The following GRID2 variants were observed in gnomAD, a reference collection of about 807,000 sequenced individuals.
GRID2 encodes glutamate ionotropic receptor delta type subunit 2.
A neutral mutation model predicts 114.8 loss-of-function variants in GRID2; 33 were observed. The ratio of observed to expected loss-of-function variants is 0.29; its 90% confidence interval spans 0.22 to 0.38. GRID2 has a LOEUF of 0.38. Among genes scored for constraint, GRID2 ranks in the 10% least tolerant of loss-of-function variants. GRID2 has a pLI of 1.00. For missense variants in GRID2, 1,184 were observed against 1,257.7 expected (o/e 0.94, Z 0.89); for synonymous variants, 505 against 449.9 (o/e 1.12, Z -1.55).
intron 2 of GRID2, among the ~76,000 whole-genome samples, chr4:92,768,887 A>T (rs1344765251): frequency 6.6e-6 from 1 of 152,176 alleles, no homozygotes; most frequent in Non-Finnish European, 1.5e-5. Context: ...ATTCAAGATG[A>T]GATTTGCGTG....
chr4:93,727,504 A>G (rs955060980), intron 14 of GRID2, among the ~76,000 whole-genome samples: 130 of 152,210 alleles, frequency 8.5e-4, no homozygotes, highest in African/African-American at 3.0e-3. Context: ...GCCTCATAAA[A>G]TGAGTTACGG....
chr4:92,918,410 G>T (rs1391987999), intron 2 of GRID2, among the ~76,000 whole-genome samples: 1 of 152,142 alleles, frequency 6.6e-6, no homozygotes, highest in African/African-American at 2.4e-5. Context: ...TGGTGAGAGA[G>T]GGCATCCCTG....
At chr4:93,762,684 G>A (rs1401931556) in intron 14 of GRID2, among the ~76,000 whole-genome samples, 1 of 152,096 alleles carries the variant, frequency 6.6e-6, no homozygotes, top group Non-Finnish European at 1.5e-5. Flanking sequence ...GGTCTCTGGG[G>A]GAGTTCCCAG....
At chr4:93,557,258 A>C (rs1324485516) in intron 13 of GRID2, among the ~76,000 whole-genome samples, 1 of 152,230 alleles carries the variant, frequency 6.6e-6, no homozygotes, top group Non-Finnish European at 1.5e-5. Flanking sequence ...CCTTAAATGT[A>C]AATGGGCTAA....
intron 14 of GRID2, among the ~76,000 whole-genome samples, chr4:93,768,821 G>C (rs1261084010): frequency 2.6e-5 from 4 of 152,036 alleles, no homozygotes; most frequent in Admixed American, 1.3e-4. Flanking sequence ...TGTAGGAAAG[G>C]GACACAGAAC....
At chr4:93,332,195 A>G (rs1286551350) in intron 8 of GRID2, among the ~76,000 whole-genome samples, 2 of 152,046 alleles carry the variant, frequency 1.3e-5, no homozygotes, top group African/African-American at 2.4e-5. Context: ...TTTGACTTAC[A>G]GAAGAAAGAC....
rs577463645 is a variant in GRID2 at position 93,024,906 on chromosome 4, A to C, written c.245-60089A>C. 7.9e-4 allele frequency among the ~76,000 whole-genome samples: 120 copies of C among 151,882 alleles called. 1 individual carries two copies. The highest frequency in any genetic ancestry group is 7.8e-3 in the Admixed American group (119 of 15,202). On this transcript the variant is annotated intron_variant, in intron 2 of 15. Transcript: ENST00000282020. ...CAACAAGGAGGAAGAGAAAGAGGAG[A>C]AAAAAGAGAAGACCAGCTGTTTTAT... is the stretch of plus-strand genomic sequence containing the variant.
chr4:93,433,351 G>A (rs1180265096), intron 10 of GRID2, among the ~76,000 whole-genome samples: 2 of 152,126 alleles, frequency 1.3e-5, no homozygotes, highest in African/African-American at 4.8e-5. Context: ...CTATTGTGAG[G>A]TTTGTCTGGT....
intron 2 of GRID2, among the ~76,000 whole-genome samples, chr4:93,001,953 TTTTTTTTCA>T (rs1560784891): frequency 6.6e-6 from 1 of 151,560 alleles, no homozygotes; most frequent in Admixed American, 6.6e-5. Context: ...CATTTTTCAA[TTTTTTTTCA>T]AGCAGTGATC....
intron 8 of GRID2, among the ~76,000 whole-genome samples, chr4:93,338,947 G>C (rs1759360327): frequency 6.6e-6 from 1 of 152,126 alleles, no homozygotes; most frequent in Non-Finnish European, 1.5e-5. Context: ...GGATGAAAGA[G>C]TCATTGTGAT....
In GRID2 at chr4:93,631,229, T is replaced by TA. The variant is rs1743218403; in HGVS notation, c.2360+4795dup. Among the ~76,000 whole-genome samples the TA allele has an allele frequency of 2.0e-5, 3 of 152,030 alleles. No homozygotes were observed. In the South Asian group the frequency reaches 6.2e-4, roughly 32 times the overall value. On this transcript the variant is annotated intron_variant, in intron 14 of 15. Transcript: ENST00000282020. The stretch of plus-strand genomic sequence containing the variant: ...CTTAGGGATTCTCTTTTTTTTTTAT[T>TA]ATTATACTTTAAGTTCTAGGGTACA...
intron 11 of GRID2, among the ~76,000 whole-genome samples, chr4:93,466,133 T>C (rs1724248066): frequency 6.6e-6 from 1 of 152,174 alleles, no homozygotes; most frequent in Non-Finnish European, 1.5e-5. Context: ...AATAGCACAA[T>C]ATTAAGTATA....
At chr4:92,513,849 A>G (rs1203822982) in intron 1 of GRID2, among the ~76,000 whole-genome samples, 1 of 151,958 alleles carries the variant, frequency 6.6e-6, no homozygotes, top group African/African-American at 2.4e-5. Flanking sequence ...TTTGAAATAT[A>G]TTTTATGTGA....
intron 1 of GRID2, among the ~76,000 whole-genome samples, chr4:93,784,089 A>C (rs1019775682): frequency 1.3e-5 from 2 of 149,626 alleles, no homozygotes; most frequent in Admixed American, 6.6e-5. Context: ...AAAAAAAAAA[A>C]AAAAAAAAAA....
chr4:92,701,306 A>T (rs945780896), intron 2 of GRID2, among the ~76,000 whole-genome samples: 1 of 152,220 alleles, frequency 6.6e-6, no homozygotes, highest in African/African-American at 2.4e-5. Flanking sequence ...TGATTATCCA[A>T]GCACTTTCAC....
rs1025574832 is a variant in GRID2, at chr4:93,490,887, T to G, written c.1997+110T>G. ...CTCATAATAAATGTACAACTTCTCT[T>G]TGAGTAAAGGATCAATTTTGTGTTA... On this transcript the variant is annotated intron_variant, in intron 12 of 15. Transcript: ENST00000282020. 4.2e-6 allele frequency: 3 copies of G among 709,304 alleles called. No individual in the cohort carries two copies. The African/African-American group carries it at 5.4e-5, about 13-fold the overall frequency. The allele number at this position is 709,304 out of a possible 1,614,324, so 43.9% of individuals were successfully genotyped here. A position where few individuals can be genotyped will look rare whatever the true frequency, so the allele number is the denominator to read the frequency against.
At chr4:93,635,042 C>T (rs557305300) in intron 14 of GRID2, among the ~76,000 whole-genome samples, 47 of 152,086 alleles carry the variant, frequency 3.1e-4, no homozygotes, top group Admixed American at 1.6e-3. Flanking sequence ...ATTTACTACC[C>T]GGTAAATAAA....
chr4:92,946,655 C>A (rs1169609772), intron 2 of GRID2, among the ~76,000 whole-genome samples: 1 of 152,054 alleles, frequency 6.6e-6, no homozygotes, highest in African/African-American at 2.4e-5. Flanking sequence ...GCTTCTTCAC[C>A]TCTAAGACAT....
intron 8 of GRID2, among the ~76,000 whole-genome samples, chr4:93,352,033 T>C (rs2149262027): frequency 6.6e-6 from 1 of 152,132 alleles, no homozygotes; most frequent in Non-Finnish European, 1.5e-5. Flanking sequence ...CTTATCATCA[T>C]TTTACAGAAA....
Sources: gnomAD v4.1 joint callset for allele counts (sites outside exome capture counted in the v4.1 genomes callset) on GRCh38, gnomAD v4.1.1 for gene constraint, MANE v1.5 for transcripts, NCBI Gene and HGNC (gene_info 2026-07-23, HGNC 2026-07-21) for gene names.